The following SOX6 variants were observed in gnomAD, a reference collection of about 807,000 sequenced individuals.
SOX6 encodes SRY-box transcription factor 6, also known as transcription factor SOX-6.
SOX6 carries 11 observed loss-of-function variants against 97.8 expected under a neutral mutation model. That is an observed-to-expected ratio of 0.11 (90% CI 0.07 to 0.19). The LOEUF (loss-of-function observed/expected upper bound fraction) is 0.19, where lower values mean the gene tolerates loss of function less well. Ranked by LOEUF, SOX6 falls within the 10% of genes least tolerant of loss-of-function variation. The pLI, the probability that SOX6 is intolerant of heterozygous loss-of-function variation, is 1.00. For missense variants in SOX6, 810 were observed against 1,039.5 expected, an observed-to-expected ratio of 0.78 and a Z score of 3.04; for synonymous variants, 360 against 371.4, an observed-to-expected ratio of 0.97 and a Z score of 0.35.
rs762484256 is a variant in SOX6 at position 16,402,708 on chromosome 11, A to T, written c.-4-61456T>A. The T allele has an allele frequency of 1.7e-5, 28 of 1,610,758 alleles. 1 individual carries two copies. The South Asian group carries it at 2.7e-4, about 16-fold the overall frequency. ...CACCCACTCCTGTTTCACCTGACTA[A>T]ACTGTAGGTATTTGTTCCATCACCT... On this transcript the variant is annotated intron_variant, in intron 1 of 15. Transcript: ENST00000396356.
At chr11:16,289,276 T>C (rs1854838134) in intron 3 of SOX6, among the ~76,000 whole-genome samples, 1 of 151,898 alleles carries the variant, frequency 6.6e-6, no homozygotes, top group African/African-American at 2.4e-5. Flanking sequence ...AACTCCCTGG[T>C]TGTATGAATA....
At chr11:16,418,210 G>A (rs1858961648) in intron 1 of SOX6, among the ~76,000 whole-genome samples, 1 of 152,074 alleles carries the variant, frequency 6.6e-6, no homozygotes, top group African/African-American at 2.4e-5. Flanking sequence ...TAGAGACCTT[G>A]ATCTAAAGTA....
intron 4 of SOX6, among the ~76,000 whole-genome samples, chr11:16,501,412 T>C (rs1433481827): frequency 1.3e-5 from 2 of 152,210 alleles, no homozygotes; most frequent in African/African-American, 4.8e-5. Flanking sequence ...AAGAACTTCG[T>C]GTCTAAAACA....
At chr11:16,264,304 T>C (rs1854002859) in intron 3 of SOX6, 1 of 151,962 alleles carries the variant, frequency 6.6e-6, no homozygotes, top group South Asian at 2.1e-4. Flanking sequence ...ATGTGTATGT[T>C]ATCTCATTTC....
chr11:16,157,195 A>G (rs1850625489), intron 6 of SOX6, among the ~76,000 whole-genome samples: 1 of 151,930 alleles, frequency 6.6e-6, no homozygotes, highest in Non-Finnish European at 1.5e-5. Context: ...CCTCATCTCT[A>G]TTCCTACTTA....
intron 4 of SOX6, chr11:16,484,763 A>T: frequency 2.5e-6 from 1 of 407,520 alleles, no homozygotes; most frequent in Non-Finnish European, 4.5e-6. Context: ...TGCATCATCA[A>T]ATAGAAGTTG....
intron 3 of SOX6, among the ~76,000 whole-genome samples, chr11:16,697,235 T>C (rs535169973): frequency 1.3e-5 from 2 of 152,266 alleles, no homozygotes; most frequent in East Asian, 3.9e-4. Flanking sequence ...TCCATGAGGG[T>C]TGGAATCAAC....
chr11:16,105,111 T>G (rs923744588), intron 7 of SOX6, among the ~76,000 whole-genome samples: 1 of 152,048 alleles, frequency 6.6e-6, no homozygotes, highest in Non-Finnish European at 1.5e-5. Context: ...TACAGTCCAC[T>G]ATCCCATATA....
intron 9 of SOX6, among the ~76,000 whole-genome samples, chr11:16,084,802 A>G (rs1007662179): frequency 5.3e-5 from 8 of 152,162 alleles, no homozygotes; most frequent in African/African-American, 1.9e-4. Flanking sequence ...TTTCTGTTTC[A>G]CAGTGGGGTA....
chr11:16,014,458 G>A (rs892348771), intron 13 of SOX6, among the ~76,000 whole-genome samples: 3 of 152,068 alleles, frequency 2.0e-5, no homozygotes, highest in African/African-American at 7.2e-5. Flanking sequence ...GGAATCACTT[G>A]ATTTGGATAT....
At chr11:16,299,398 A>C (rs767329805) in intron 3 of SOX6, among the ~76,000 whole-genome samples, 1 of 151,950 alleles carries the variant, frequency 6.6e-6, no homozygotes, top group Non-Finnish European at 1.5e-5. Flanking sequence ...GATGAGGCTA[A>C]TTTGACTCCT....
chr11:16,328,761 CA>C (rs1214335219), intron 2 of SOX6, among the ~76,000 whole-genome samples: 1 of 152,078 alleles, frequency 6.6e-6, no homozygotes, highest in Non-Finnish European at 1.5e-5. Flanking sequence ...ATTTCGGTTC[CA>C]ATAACTTCTT....
At chr11:16,596,696 T>C (rs1848215884) in intron 4 of SOX6, among the ~76,000 whole-genome samples, 1 of 152,232 alleles carries the variant, frequency 6.6e-6, no homozygotes, top group Non-Finnish European at 1.5e-5. Context: ...CATTTTCATC[T>C]TTGAAATTAT....
rs199592340 is a variant in SOX6 at position 16,713,377 on chromosome 11, C to T, written n.429+1453G>A. Among the ~76,000 whole-genome samples, 8 of 107,634 alleles carry T rather than the reference C, an allele frequency of 7.4e-5. No individual in the cohort carries two copies. The East Asian group carries it at 2.9e-3, about 39-fold the overall frequency. The allele number at this position is 107,634 out of a possible 152,430, so 70.6% of individuals were successfully genotyped here. A position where few individuals can be genotyped will look rare whatever the true frequency, so the allele number is the denominator to read the frequency against. ...ATAGACAAAATAGTCCTCTATTTTA[C>T]ATTACATAAATAATTTACTTCACAA... is the stretch of plus-strand genomic sequence containing the variant. On this transcript the variant is annotated intron_variant and non_coding_transcript_variant, in intron 3 of 5. Coordinates refer to the SOX6 transcript ENST00000524520.
chr11:16,701,074 T>A (rs1263222885), intron 3 of SOX6, among the ~76,000 whole-genome samples: 3 of 152,260 alleles, frequency 2.0e-5, no homozygotes, highest in African/African-American at 7.2e-5. Flanking sequence ...TTACACTTAC[T>A]ATTTTATTGT....
rs1853259083 is a variant in SOX6 at position 15,970,131 on chromosome 11, T to C, written c.*2678A>G. The C allele has an allele frequency of 6.6e-6, 1 of 152,352 alleles. No homozygotes were observed. Among genetic ancestry groups the C allele is most frequent in the Non-Finnish European group, 1.5e-5 (1 of 68,042 alleles). 9.4% of individuals were successfully genotyped at this position (152,352 alleles called of 1,614,324 possible). A position where few individuals can be genotyped will look rare whatever the true frequency, so the allele number is the denominator to read the frequency against. ...TCGAAACAGATGACTTTTGTTCATG[T>C]AGTTTTCGTACAACAGTTTCACATT... On this transcript the variant is annotated 3_prime_UTR_variant, in exon 16 of 16. Coordinates refer to ENST00000683767, the MANE Select transcript of SOX6 (RefSeq NM_001367873.1).
intron 1 of SOX6, among the ~76,000 whole-genome samples, chr11:16,354,819 A>C (rs1159596354): frequency 6.6e-6 from 1 of 152,060 alleles, no homozygotes; most frequent in Non-Finnish European, 1.5e-5. Context: ...GAAATACATG[A>C]ATACCTTTCA....
intron 13 of SOX6, 105 bp from the exon 14 acceptor site, chr11:15,989,335 C>G (rs1853972553): frequency 3.5e-6 from 3 of 858,112 alleles, no homozygotes; most frequent in Non-Finnish European, 5.3e-6. Context: ...AGGTCCTCCT[C>G]TTCTTTTCTA....
At chr11:16,045,859 C>T (rs1377372226) in intron 12 of SOX6, among the ~76,000 whole-genome samples, 3 of 152,140 alleles carry the variant, frequency 2.0e-5, no homozygotes, top group East Asian at 3.9e-4. Flanking sequence ...TTTTTTCTCA[C>T]GGCATTTATT....
Sources: gnomAD v4.1 joint callset for allele counts (sites outside exome capture counted in the v4.1 genomes callset) on GRCh38, gnomAD v4.1.1 for gene constraint, MANE v1.5 for transcripts, NCBI Gene and HGNC (gene_info 2026-07-23, HGNC 2026-07-21) for gene names.